The following GNB1L variants were observed in gnomAD, a reference collection of about 807,000 sequenced individuals.
GNB1L encodes the protein G protein subunit beta 1 like.
In GNB1L, 20 loss-of-function variants were observed where a neutral mutation model predicts 29.1. That is an observed-to-expected ratio of 0.69 (90% CI 0.48 to 1.00). GNB1L has a LOEUF of 1.00. Ranked by LOEUF, GNB1L falls within the 50% of genes least tolerant of loss-of-function variation. GNB1L has a pLI of 0.00. For synonymous variants in GNB1L, 193 were observed against 206.5 expected (o/e 0.93, Z 0.56); for missense variants, 421 against 464.9 (o/e 0.91, Z 0.87).
intron 7 of GNB1L, among the ~76,000 whole-genome samples, chr22:19,794,217 C>T (rs1937281827): frequency 6.6e-6 from 1 of 151,892 alleles, no homozygotes; most frequent in Non-Finnish European, 1.5e-5. Context: ...ACCACTGCAC[C>T]CCAGCCTGGG....
rs1017793671 is a variant in GNB1L at position 19,795,220 on chromosome 22, G to A, written c.733-6260C>T. 2.0e-4 allele frequency among the ~76,000 whole-genome samples: 30 copies of A among 152,070 alleles called. 1 individual carries two copies. Among genetic ancestry groups the A allele is most frequent in the Admixed American group, 9.8e-4 (15 of 15,280 alleles). On this transcript the variant is annotated intron_variant, in intron 7 of 7. Coordinates refer to ENST00000329517, the MANE Select transcript of GNB1L (RefSeq NM_053004.3). ...CACCAAGATGAGGTGACATCTCAGC[G>A]CCTATACACCCACACTGAGCCCCAG... is the stretch of plus-strand genomic sequence containing the variant.
chr22:19,802,316 T>A (rs1937384179), intron 6 of GNB1L, 100 bp from the exon 7 acceptor site: 2 of 934,600 alleles, frequency 2.1e-6, no homozygotes, highest in Non-Finnish European at 3.3e-6. Flanking sequence ...TCCTGCTGGC[T>A]GGGGCTGTTT....
At chr22:19,815,447 C>T (rs1937520631) in intron 4 of GNB1L, among the ~76,000 whole-genome samples, 1 of 152,080 alleles carries the variant, frequency 6.6e-6, no homozygotes, top group Admixed American at 6.5e-5. Flanking sequence ...GCAGGGAGGC[C>T]GAGATGGGGG....
chr22:19,852,267 G>A, intron 2 of GNB1L: 1 of 1,594,794 alleles, frequency 6.3e-7, no homozygotes, highest in Non-Finnish European at 8.5e-7. Flanking sequence ...GGCATGCTGG[G>A]AGCACAGGGG....
chr22:19,847,805 A>G (rs897743993), intron 2 of GNB1L: 4 of 147,422 alleles, frequency 2.7e-5, no homozygotes, highest in African/African-American at 2.0e-4. Flanking sequence ...AATCATAGGC[A>G]AAAAAAAAAA....
In GNB1L at chr22:19,788,429, T is replaced by A; in HGVS notation, c.*280A>T. 1.7e-6 allele frequency: 1 copy of A among 591,094 alleles called. No homozygotes were observed. Among genetic ancestry groups the A allele is most frequent in the Non-Finnish European group, 3.0e-6 (1 of 330,624 alleles). 36.6% of individuals were successfully genotyped at this position (591,094 alleles called of 1,614,324 possible). On this transcript the variant is annotated 3_prime_UTR_variant, in exon 8 of 8. Transcript: ENST00000329517. Reference sequence around the variant, plus strand: ...AAGCCTGCAACTTGGCAATGGAAATTTATTATAAAATACCCTCAGCTGGCA... The same window carrying A: ...AAGCCTGCAACTTGGCAATGGAAATATATTATAAAATACCCTCAGCTGGCA...
In GNB1L at chr22:19,784,340, C is replaced by T. The variant is rs1369696591; in HGVS notation, c.*4369G>A. 2.0e-5 allele frequency: 3 copies of T among 152,142 alleles called. No individual in the cohort carries two copies. The highest frequency in any genetic ancestry group is 2.9e-5 in the Non-Finnish European group (2 of 68,034). The allele number at this position is 152,142 out of a possible 1,614,324, so 9.4% of individuals were successfully genotyped here. ...CGGCGGCGGGTCCTGGGCTGTGCTC[C>T]GGAGCCCTTCCCGGGATCATCTCCC... On this transcript the variant is annotated 3_prime_UTR_variant, in exon 8 of 8. Coordinates refer to ENST00000329517, the MANE Select transcript of GNB1L (RefSeq NM_053004.3).
intron 2 of GNB1L, among the ~76,000 whole-genome samples, chr22:19,829,663 C>T (rs1937652830): frequency 6.6e-6 from 1 of 152,046 alleles, no homozygotes; most frequent in African/African-American, 2.4e-5. Flanking sequence ...GGAATTTATC[C>T]TAGAAATGCA....
At chr22:19,815,086 A>G (rs1374679919) in intron 4 of GNB1L, among the ~76,000 whole-genome samples, 2 of 152,078 alleles carry the variant, frequency 1.3e-5, no homozygotes, top group East Asian at 1.9e-4. Flanking sequence ...AAGTGATCAC[A>G]CACCAAAAGG....
intron 2 of GNB1L, among the ~76,000 whole-genome samples, chr22:19,853,849 C>A (rs1938171003): frequency 6.6e-6 from 1 of 152,168 alleles, no homozygotes; most frequent in Non-Finnish European, 1.5e-5. Context: ...AAGCAGTGAC[C>A]CCGATCCAGG....
intron 2 of GNB1L, among the ~76,000 whole-genome samples, chr22:19,832,199 G>A (rs536498259): frequency 3.9e-4 from 60 of 152,018 alleles, no homozygotes; most frequent in African/African-American, 1.4e-3. Flanking sequence ...GGCTGATAGC[G>A]TGTGCTTGCA....
At chr22:19,801,247 G>A (rs536239747) in intron 7 of GNB1L, among the ~76,000 whole-genome samples, 1 of 152,128 alleles carries the variant, frequency 6.6e-6, no homozygotes, top group Admixed American at 6.5e-5. Flanking sequence ...GTGAATGGGG[G>A]CTCCTTGTCC....
intron 5 of GNB1L, among the ~76,000 whole-genome samples, chr22:19,807,454 G>C (rs1937449609): frequency 6.6e-6 from 1 of 152,080 alleles, no homozygotes; most frequent in Non-Finnish European, 1.5e-5. Flanking sequence ...CTGGGAACTG[G>C]GGAGGCTCAG....
chr22:19,785,605 C>A lies in GNB1L; in HGVS notation c.*3104G>T, dbSNP rs867990805. 6.6e-6 allele frequency: 1 copy of A among 152,184 alleles called. No individual in the cohort carries two copies. Among genetic ancestry groups the A allele is most frequent in the Admixed American group, 6.5e-5 (1 of 15,286 alleles). 9.4% of individuals were successfully genotyped at this position (152,184 alleles called of 1,614,324 possible). A position where few individuals can be genotyped will look rare whatever the true frequency, so the allele number is the denominator to read the frequency against. ...TCCCAGTTGGTGGGTTGGCCAGGGG[C>A]GTGATGGCAGCGACCAGCCATGCTG... On this transcript the variant is annotated 3_prime_UTR_variant, in exon 8 of 8. Coordinates refer to ENST00000329517, the MANE Select transcript of GNB1L (RefSeq NM_053004.3). The surrounding 1 kb of genome is among the most constrained non-coding windows in gnomAD (Gnocchi z 4.1).
chr22:19,841,646 CAAACA>C (rs1364669397), intron 2 of GNB1L, among the ~76,000 whole-genome samples: 1 of 152,180 alleles, frequency 6.6e-6, no homozygotes, highest in African/African-American at 2.4e-5. Context: ...CTAAAATAAA[CAAACA>C]AAACAGACTT....
chr22:19,828,827 CTCTTTT>C (rs1937642124), intron 2 of GNB1L, among the ~76,000 whole-genome samples: 2 of 150,668 alleles, frequency 1.3e-5, no homozygotes, highest in South Asian at 2.1e-4. Flanking sequence ...TGACATACTA[CTCTTTT>C]TCTTTTTTTT....
chr22:19,833,584 C>T (rs1937715203), intron 2 of GNB1L, among the ~76,000 whole-genome samples: 1 of 152,064 alleles, frequency 6.6e-6, no homozygotes, highest in Admixed American at 6.6e-5. Context: ...ATAAAATAGG[C>T]CGGACGCGGT....
intron 4 of GNB1L, among the ~76,000 whole-genome samples, chr22:19,818,785 C>T (rs891501933): frequency 5.9e-5 from 9 of 152,174 alleles, no homozygotes; most frequent in Non-Finnish European, 1.3e-4. Context: ...GCAGCAGGCC[C>T]GTGCTCAGGA....
intron 2 of GNB1L, among the ~76,000 whole-genome samples, chr22:19,842,599 C>T (rs1937881053): frequency 6.6e-6 from 1 of 152,238 alleles, no homozygotes; most frequent in African/African-American, 2.4e-5. Context: ...GAGGCCAGAC[C>T]TGCCAGGGAG....
Sources: gnomAD v4.1 joint callset for allele counts (sites outside exome capture counted in the v4.1 genomes callset) on GRCh38, gnomAD v4.1.1 for gene constraint, Gnocchi (gnomAD v3.1) non-coding constraint, MANE v1.5 for transcripts, NCBI Gene and HGNC (gene_info 2026-07-23, HGNC 2026-07-21) for gene names.